The following WDFY3 variants were observed in gnomAD, a reference collection of about 807,000 sequenced individuals.
WDFY3 encodes the protein WD repeat and FYVE domain-containing protein 3.
Under a neutral mutation model 409.6 loss-of-function variants are expected in WDFY3, and 66 were observed. That is an observed-to-expected ratio of 0.16 (90% CI 0.13 to 0.20). WDFY3 has a LOEUF of 0.20. Ranked by LOEUF, WDFY3 falls within the 10% of genes least tolerant of loss-of-function variation. The pLI, the probability that WDFY3 is intolerant of heterozygous loss-of-function variation, is 1.00. For synonymous variants in WDFY3, 1,521 were observed against 1,537.1 expected, an observed-to-expected ratio of 0.99 and a Z score of 0.25; for missense variants, 3,031 against 4,298.1, an observed-to-expected ratio of 0.71 and a Z score of 8.24.
intron 49 of WDFY3, among the ~76,000 whole-genome samples, chr4:84,715,692 A>G (rs935725542): frequency 6.0e-5 from 9 of 148,948 alleles, no homozygotes; most frequent in South Asian, 2.2e-4. Context: ...GGAGAATGGC[A>G]TGATCCCAGG....
chr4:84,702,624 C>T, intron 55 of WDFY3, 118 bp from the exon 56 acceptor site: 1 of 884,220 alleles, frequency 1.1e-6, no homozygotes, highest in Admixed American at 3.7e-5. Context: ...TTCCCATTAT[C>T]CTACATTAAA....
At position 84,820,104 on chromosome 4, in the gene WDFY3, T is replaced by C. The variant is rs561712005; in HGVS notation, c.1674A>G (p.Gln558=). ...LVMETLTVLL[Q]GSNTNAGIFR... Reference sequence around the variant, plus strand: ...AATTACCTGCATTTGTGTTTGATCCTTGAAGAAGCACTGTCAAGGTCTCCA... The same window carrying C: ...AATTACCTGCATTTGTGTTTGATCCCTGAAGAAGCACTGTCAAGGTCTCCA... The change falls in exon 12 of 68, where the codon CAA becomes CAG. Residue 558 remains glutamine, a synonymous_variant. Transcript: ENST00000295888. 2 of 1,602,730 alleles carry C rather than the reference T, an allele frequency of 1.2e-6. No homozygotes were observed. Among genetic ancestry groups the C allele is most frequent in the South Asian group, 1.1e-5 (1 of 89,320 alleles).
chr4:84,889,222 T>C (rs1013556689), intron 3 of WDFY3, among the ~76,000 whole-genome samples: 2 of 152,296 alleles, frequency 1.3e-5, no homozygotes, highest in Non-Finnish European at 1.5e-5. Flanking sequence ...CCAGTGAATA[T>C]TGTGCTTGAA....
At chr4:84,680,156 T>C (rs942301410) in intron 64 of WDFY3, among the ~76,000 whole-genome samples, 2 of 152,192 alleles carry the variant, frequency 1.3e-5, no homozygotes, top group East Asian at 3.9e-4. Flanking sequence ...CCGAAGGTGC[T>C]AGGATTACAG....
chr4:84,736,429 A>G, intron 41 of WDFY3, 102 bp from the exon 42 acceptor site: 2 of 1,097,038 alleles, frequency 1.8e-6, no homozygotes, highest in Non-Finnish European at 1.2e-6. Flanking sequence ...TGTAGTTAAC[A>G]AAAGTAGCAC....
In WDFY3 at chr4:84,782,984, C is replaced by T. The variant is rs562873048; in HGVS notation, c.4153G>A (p.Ala1385Thr). ...HLNGSARTIG[A>T]ALIGYLGVRT... The stretch of plus-strand genomic sequence containing the variant: ...TCACCCAAGTATCCAATCAGAGCGG[C>T]CCCAATTGTCCGTGCAGATCCATTA... The change falls in exon 25 of 68, where the codon GCC (alanine) becomes ACC (threonine). Residue 1385 changes from alanine to threonine, a missense_variant. Transcript: ENST00000295888. 6.2e-7 allele frequency: 1 copy of T among 1,614,054 alleles called. No homozygotes were observed. The highest frequency in any genetic ancestry group is 2.2e-5 in the East Asian group (1 of 44,864).
At chr4:84,694,984 C>A (rs890930892) in intron 58 of WDFY3, among the ~76,000 whole-genome samples, 1 of 151,902 alleles carries the variant, frequency 6.6e-6, no homozygotes, top group African/African-American at 2.4e-5. Flanking sequence ...AAAGGGAGTC[C>A]GTAGAGACAT....
chr4:84,962,467 G>A (rs984027492), intron 1 of WDFY3, among the ~76,000 whole-genome samples: 5 of 151,998 alleles, frequency 3.3e-5, no homozygotes, highest in East Asian at 1.9e-4. Flanking sequence ...TTAAATTAAC[G>A]GTTTTCAGGG....
At chr4:84,855,597 T>A (rs898378278) in intron 4 of WDFY3, among the ~76,000 whole-genome samples, 1 of 152,018 alleles carries the variant, frequency 6.6e-6, no homozygotes. Flanking sequence ...AAAAGAGAGG[T>A]TGGAATGTTT....
chr4:84,864,269 G>A (rs901848352), intron 3 of WDFY3, among the ~76,000 whole-genome samples: 7 of 150,902 alleles, frequency 4.6e-5, no homozygotes, highest in Non-Finnish European at 1.0e-4. Context: ...TCAGGAGGCC[G>A]AGGCAGGGAA....
At chr4:84,866,920 C>T (rs1274766104) in intron 3 of WDFY3, among the ~76,000 whole-genome samples, 1 of 152,074 alleles carries the variant, frequency 6.6e-6, no homozygotes. Flanking sequence ...ATAATTCAGA[C>T]GAAGAGGTAA....
intron 1 of WDFY3, among the ~76,000 whole-genome samples, chr4:84,939,724 A>T (rs183447631): frequency 1.1e-3 from 152 of 143,444 alleles, no homozygotes; most frequent in Middle Eastern, 3.6e-3. Context: ...GTTCTTATTT[A>T]AAAAAAAAAA....
intron 64 of WDFY3, 62 bp downstream of exon 64, chr4:84,682,312 T>TCC (rs1250955377): frequency 1.3e-6 from 2 of 1,500,064 alleles, no homozygotes; most frequent in Non-Finnish European, 1.8e-6. Flanking sequence ...TATAAGCTTA[T>TCC]CCACAGTGAC....
chr4:84,822,717 T>C (rs1265038720), intron 10 of WDFY3, among the ~76,000 whole-genome samples: 3 of 152,040 alleles, frequency 2.0e-5, no homozygotes, highest in Non-Finnish European at 4.4e-5. Flanking sequence ...GTCTGTAAAA[T>C]AAACAAACAA....
chr4:84,695,270 C>T (rs1484635766), intron 58 of WDFY3, among the ~76,000 whole-genome samples: 1 of 152,018 alleles, frequency 6.6e-6, no homozygotes, highest in Non-Finnish European at 1.5e-5. Context: ...TCTTCCTCTC[C>T]AAGTTCCAGA....
In WDFY3 at chr4:84,757,157, G is replaced by A. The variant is rs1741603329; in HGVS notation, c.5193C>T (p.Phe1731=). The A allele has an allele frequency of 1.2e-6, 2 of 1,612,908 alleles. No individual in the cohort carries two copies. Among genetic ancestry groups the A allele is most frequent in the South Asian group, 2.2e-5 (2 of 91,048 alleles). ...LTNKIGTVLG[F]NVGRSAGGRS... ...TCCCACCAGCACTTCTGCCCACGTT[G>A]AATCCTAAGAGAAGAGGAATATAAC... The change falls in exon 33 of 68, where the codon TTC becomes TTT. Residue 1731 remains phenylalanine (F), a synonymous_variant. Coordinates refer to ENST00000295888, the MANE Select transcript of WDFY3 (RefSeq NM_014991.6).
chr4:84,772,874 C>A lies in WDFY3; in HGVS notation c.4810G>T (p.Val1604Leu), dbSNP rs1180230832. ...LPTFAVCEKF[V>L]VMEINNEEKL... ...TCTTCATTATTTATTTCCATTACTA[C>A]AAATTTCTCACAAACCGCAAAGGTT... Residue 1604 changes from valine to leucine, a missense_variant, in exon 30 of 68, where the codon GTA becomes TTA. By Grantham distance (32) the Val-to-Leu change is conservative. Around this residue, in one of 16 missense-constraint regions of WDFY3, gnomAD observed 342 missense variants for 463.7 expected, o/e 0.74. Transcript: ENST00000295888. The A allele has an allele frequency of 2.5e-6, 4 of 1,611,074 alleles. No homozygotes were observed. The highest frequency in any genetic ancestry group is 3.4e-6 in the Non-Finnish European group (4 of 1,178,868).
intron 44 of WDFY3, among the ~76,000 whole-genome samples, chr4:84,732,746 T>C (rs1172405598): frequency 1.3e-5 from 2 of 152,194 alleles, no homozygotes; most frequent in Admixed American, 6.5e-5. Context: ...CCATTATGTA[T>C]ACACAGCATA....
chr4:84,727,280 A>G (rs748138487), intron 44 of WDFY3, among the ~76,000 whole-genome samples: 9 of 152,158 alleles, frequency 5.9e-5, no homozygotes, highest in Non-Finnish European at 1.0e-4. Flanking sequence ...TCAGGATAAT[A>G]GAACCTAATG....
Sources: allele counts gnomAD v4.1 joint callset (sites outside exome capture counted in the v4.1 genomes callset), GRCh38; gene constraint gnomAD v4.1.1; regional missense constraint gnomAD v4.1.1; transcripts MANE v1.5; gene names NCBI Gene and HGNC (gene_info 2026-07-23, HGNC 2026-07-21).